The following CHRNA7 variants were observed in gnomAD, a reference collection of about 807,000 sequenced individuals.
The protein encoded by CHRNA7 is neuronal acetylcholine receptor subunit alpha-7.
A neutral mutation model predicts 48.0 loss-of-function variants in CHRNA7; 17 were observed. The ratio of observed to expected loss-of-function variants is 0.35; its 90% CI spans 0.24 to 0.53. The LOEUF (loss-of-function observed/expected upper bound fraction) is 0.53. CHRNA7 is among the 20% of genes least tolerant of loss of function. The probability of loss-of-function intolerance (pLI) is 0.92; values close to 1 mark genes in which losing one functional copy is unlikely to be tolerated. For synonymous variants in CHRNA7, 75 were observed against 242.3 expected (o/e 0.31, Z 6.41); for missense variants, 155 against 577.7 (o/e 0.27, Z 7.50).
At chr15:32,133,774 G>A (rs533048192) in intron 4 of CHRNA7, among the ~76,000 whole-genome samples, 2 of 152,288 alleles carry the variant, frequency 1.3e-5, no homozygotes, top group East Asian at 1.9e-4. Flanking sequence ...CAATTGTAGT[G>A]GCATGCAAAG....
chr15:32,126,185 A>G (rs1225466492), intron 4 of CHRNA7, among the ~76,000 whole-genome samples: 1 of 152,202 alleles, frequency 6.6e-6, no homozygotes, highest in African/African-American at 2.4e-5. Flanking sequence ...TGCCTGTAAC[A>G]TAGCTCCTTT....
At chr15:32,079,738 A>T (rs1397404990) in intron 2 of CHRNA7, among the ~76,000 whole-genome samples, 7 of 151,968 alleles carry the variant, frequency 4.6e-5, no homozygotes, top group African/African-American at 1.7e-4. Context: ...GACAGATTTA[A>T]TGCTATTCCC....
chr15:32,054,572 C>T (rs771853724), intron 2 of CHRNA7, among the ~76,000 whole-genome samples: 6 of 152,224 alleles, frequency 3.9e-5, no homozygotes, highest in Non-Finnish European at 8.8e-5. Flanking sequence ...CAGACCTTCG[C>T]TCCTCCAGAG....
chr15:32,033,504 G>C (rs1228353792), intron 2 of CHRNA7, among the ~76,000 whole-genome samples: 1 of 152,150 alleles, frequency 6.6e-6, no homozygotes, highest in East Asian at 1.9e-4. Context: ...TGGTAACTTC[G>C]GCAGAACAAA....
intron 2 of CHRNA7, among the ~76,000 whole-genome samples, chr15:32,046,104 T>C (rs1185119167): frequency 6.6e-6 from 1 of 152,114 alleles, no homozygotes; most frequent in Non-Finnish European, 1.5e-5. Flanking sequence ...GTCTTTGCTA[T>C]TGTGAATAGG....
At chr15:32,084,453 C>T (rs951848091) in intron 2 of CHRNA7, among the ~76,000 whole-genome samples, 1 of 152,222 alleles carries the variant, frequency 6.6e-6, no homozygotes, top group African/African-American at 2.4e-5. Flanking sequence ...TGCATGAGCA[C>T]ATACAGTCTC....
At chr15:32,080,879 A>C (rs951475332) in intron 2 of CHRNA7, among the ~76,000 whole-genome samples, 2 of 152,208 alleles carry the variant, frequency 1.3e-5, no homozygotes, top group East Asian at 1.9e-4. Flanking sequence ...AATAGCAAAG[A>C]CATGGAATCA....
intron 2 of CHRNA7, among the ~76,000 whole-genome samples, chr15:32,083,660 A>G (rs1352649981): frequency 3.9e-5 from 6 of 152,224 alleles, no homozygotes; most frequent in African/African-American, 9.6e-5. Flanking sequence ...ACACATAGCA[A>G]TTTATTCCTA....
At chr15:32,123,538 A>G (rs1261115672) in intron 4 of CHRNA7, among the ~76,000 whole-genome samples, 1 of 152,230 alleles carries the variant, frequency 6.6e-6, no homozygotes, top group African/African-American at 2.4e-5. Context: ...AGATAGGGAA[A>G]GAAGCTTTTT....
chr15:32,112,634 A>G (rs1043671626), intron 4 of CHRNA7, among the ~76,000 whole-genome samples: 5 of 152,240 alleles, frequency 3.3e-5, no homozygotes, highest in African/African-American at 7.2e-5. Flanking sequence ...CATAAATAAC[A>G]TCATGAAAAG....
chr15:32,061,536 G>A (rs1301160468), intron 2 of CHRNA7, among the ~76,000 whole-genome samples: 2 of 152,168 alleles, frequency 1.3e-5, no homozygotes, highest in South Asian at 2.1e-4. Flanking sequence ...GGCCAGGTAC[G>A]GTGGCTCACG....
intron 2 of CHRNA7, among the ~76,000 whole-genome samples, chr15:32,085,495 G>A (rs1514249): frequency 0.94 from 142,545 of 152,230 alleles, 67,469 homozygotes; most frequent in East Asian, 1. Context: ...ATGTCTTACA[G>A]TTGAATAGCA....
intron 4 of CHRNA7, among the ~76,000 whole-genome samples, chr15:32,144,346 A>G (rs1242629191): frequency 1.3e-5 from 2 of 151,852 alleles, no homozygotes; most frequent in African/African-American, 4.8e-5. Context: ...TGCTGTTAAC[A>G]TTTTTTCCCT....
chr15:32,049,788 T>A, intron 2 of CHRNA7, among the ~76,000 whole-genome samples: 1 of 152,184 alleles, frequency 6.6e-6, no homozygotes, highest in Non-Finnish European at 1.5e-5. Flanking sequence ...CTAGTACCGG[T>A]TGTGCCTTTC....
chr15:32,152,503 G>A (rs2051652085), intron 4 of CHRNA7, among the ~76,000 whole-genome samples: 1 of 152,204 alleles, frequency 6.6e-6, no homozygotes, highest in South Asian at 2.1e-4. Context: ...CCACGCGGGA[G>A]GCCGAGAGAG....
intron 4 of CHRNA7, among the ~76,000 whole-genome samples, chr15:32,125,900 CATGA>C (rs1352817218): frequency 3.9e-5 from 6 of 152,026 alleles, no homozygotes; most frequent in African/African-American, 1.4e-4. Context: ...GGCTGGAAGT[CATGA>C]ATTTCAGCCC....
At chr15:32,166,061 G>A (rs954660761) in intron 9 of CHRNA7, 1 of 152,790 alleles carries the variant, frequency 6.5e-6, no homozygotes, top group African/African-American at 2.4e-5. Flanking sequence ...CTTCCCAGAG[G>A]GGTGGGGTTG....
At chr15:32,114,832 G>A (rs950094359) in intron 4 of CHRNA7, among the ~76,000 whole-genome samples, 5 of 152,216 alleles carry the variant, frequency 3.3e-5, no homozygotes, top group Admixed American at 6.5e-5. Context: ...TCTCTTTCAC[G>A]TGGCATTGGG....
chr15:32,122,898 A>AG (rs2050998226), intron 4 of CHRNA7, among the ~76,000 whole-genome samples: 1 of 152,068 alleles, frequency 6.6e-6, no homozygotes, highest in South Asian at 2.1e-4. Flanking sequence ...AAAAAAAAAA[A>AG]AAAAATCACA....
Sources: allele counts gnomAD v4.1 joint callset (sites outside exome capture counted in the v4.1 genomes callset), GRCh38; gene constraint gnomAD v4.1.1; transcripts MANE v1.5; gene names NCBI Gene and HGNC (gene_info 2026-07-23, HGNC 2026-07-21).